CAMK2B: variants seen among roughly 807,000 people sequenced by gnomAD.
CAMK2B encodes the protein calcium/calmodulin-dependent protein kinase type II subunit beta.
Under a neutral mutation model 93.7 loss-of-function variants are expected in CAMK2B, and 27 were observed. The ratio of observed to expected loss-of-function variants is 0.29; its 90% CI spans 0.21 to 0.40. CAMK2B has a LOEUF of 0.40. Among genes scored for constraint, CAMK2B ranks in the 10% least tolerant of loss-of-function variants. CAMK2B has a pLI of 1.00. For missense variants in CAMK2B, 568 were observed against 895.8 expected (o/e 0.63, Z 4.67); for synonymous variants, 374 against 358.8 (o/e 1.04, Z -0.48).
intron 2 of CAMK2B, among the ~76,000 whole-genome samples, chr7:44,276,569 T>C (rs10267121): frequency 0.88 from 133,251 of 152,192 alleles, 58,791 homozygotes; most frequent in Non-Finnish European, 0.94. Flanking sequence ...CTGTCCATCA[T>C]GCCTTTGGGC....
intron 17 of CAMK2B, 78 bp from the exon 18 acceptor site, chr7:44,229,579 A>G (rs1583886270): frequency 1.3e-5 from 4 of 305,136 alleles, no homozygotes; most frequent in Admixed American, 6.0e-5. Context: ...GGACAGGGGG[A>G]GGCCAGGAGG....
intron 1 of CAMK2B, among the ~76,000 whole-genome samples, chr7:44,313,957 C>T (rs1284440148): frequency 2.0e-5 from 3 of 151,938 alleles, no homozygotes; most frequent in African/African-American, 7.2e-5. Context: ...TGGCCAAAGC[C>T]GCATTTCTGC....
At chr7:44,307,056 G>A (rs1248308530) in intron 1 of CAMK2B, among the ~76,000 whole-genome samples, 5 of 115,850 alleles carry the variant, frequency 4.3e-5, no homozygotes, top group Admixed American at 1.7e-4. Context: ...GTGAGCAGGG[G>A]GAGGAGGGTC....
intron 10 of CAMK2B, 47 bp from the exon 11 acceptor site, chr7:44,241,830 G>A (rs1466280392): frequency 6.6e-7 from 1 of 1,506,018 alleles, no homozygotes; most frequent in African/African-American, 1.4e-5. Flanking sequence ...CGAGGCACAG[G>A]GGAGAGGCCA....
intron 1 of CAMK2B, among the ~76,000 whole-genome samples, chr7:44,285,844 G>T (rs1470977211): frequency 1.5e-4 from 14 of 95,678 alleles, no homozygotes; most frequent in Non-Finnish European, 1.3e-4. Context: ...GGCGCGGTGT[G>T]GGGGGGACAC....
upstream of CAMK2B, chr7:44,325,829 G>A: frequency 6.7e-6 from 1 of 149,288 alleles, no homozygotes; most frequent in Non-Finnish European, 1.5e-5. Flanking sequence ...ACCTGCACCT[G>A]CACCTGCACT....
intron 4 of CAMK2B, among the ~76,000 whole-genome samples, chr7:44,256,452 T>C (rs1304921963): frequency 1.3e-5 from 2 of 152,260 alleles, no homozygotes. Context: ...TGTGTACAAC[T>C]GTGTGCCTGT....
At chr7:44,255,759 C>A (rs547912741) in intron 4 of CAMK2B, among the ~76,000 whole-genome samples, 2 of 152,318 alleles carry the variant, frequency 1.3e-5, no homozygotes, top group Admixed American at 1.3e-4. Context: ...ATCTGTTGAA[C>A]ATGTGACCTT....
chr7:44,321,815 G>A (rs1308770905), intron 1 of CAMK2B, among the ~76,000 whole-genome samples: 2 of 152,154 alleles, frequency 1.3e-5, no homozygotes, highest in Non-Finnish European at 2.9e-5. Flanking sequence ...ACAAACGGTC[G>A]ACACTGACAA....
intron 1 of CAMK2B, among the ~76,000 whole-genome samples, chr7:44,302,303 G>C (rs1421826513): frequency 6.6e-6 from 1 of 152,094 alleles, no homozygotes; most frequent in Non-Finnish European, 1.5e-5. Flanking sequence ...TTGGTTCATT[G>C]GTGAATTCTA....
At chr7:44,252,181 G>A (rs1584230714) in intron 5 of CAMK2B, among the ~76,000 whole-genome samples, 1 of 152,046 alleles carries the variant, frequency 6.6e-6, no homozygotes, top group African/African-American at 2.4e-5. Flanking sequence ...GTGTGATGAG[G>A]AAGCCACATG....
intron 5 of CAMK2B, among the ~76,000 whole-genome samples, chr7:44,251,184 C>T (rs747116990): frequency 6.6e-5 from 10 of 152,166 alleles, no homozygotes; most frequent in African/African-American, 9.7e-5. Flanking sequence ...CAGGAGGCCT[C>T]GGCCCATCCT....
chr7:44,247,551 A>G (rs879427462), intron 5 of CAMK2B, among the ~76,000 whole-genome samples: 2 of 151,774 alleles, frequency 1.3e-5, no homozygotes, highest in Admixed American at 1.3e-4. Flanking sequence ...GTACCCTGTA[A>G]GGCAGGCTGA....
At chr7:44,246,391 C>T (rs2096729891) in intron 6 of CAMK2B, among the ~76,000 whole-genome samples, 2 of 152,114 alleles carry the variant, frequency 1.3e-5, no homozygotes, top group Admixed American at 6.5e-5. Flanking sequence ...TGCAGACACC[C>T]CTCCAACACA....
intron 5 of CAMK2B, among the ~76,000 whole-genome samples, 191 bp downstream of exon 5, chr7:44,254,351 G>A (rs1235378283): frequency 1.3e-5 from 2 of 152,208 alleles, no homozygotes. Flanking sequence ...GGCGTGGAGG[G>A]GAGGTGGCCT....
At chr7:44,258,104 G>A (rs1244313076) in intron 4 of CAMK2B, among the ~76,000 whole-genome samples, 1 of 152,258 alleles carries the variant, frequency 6.6e-6, no homozygotes, top group Non-Finnish European at 1.5e-5. Flanking sequence ...ACTGTCAAAA[G>A]TGAGGGAGAT....
chr7:44,293,985 G>T (rs1311118187), intron 1 of CAMK2B, among the ~76,000 whole-genome samples: 2 of 152,204 alleles, frequency 1.3e-5, no homozygotes, highest in African/African-American at 4.8e-5. Flanking sequence ...GGTCATGCCG[G>T]AGAGCTCAAG....
chr7:44,265,626 T>C (rs1238352351), intron 2 of CAMK2B, among the ~76,000 whole-genome samples: 1 of 152,240 alleles, frequency 6.6e-6, no homozygotes, highest in African/African-American at 2.4e-5. Flanking sequence ...TATGCCTGTG[T>C]TTCATTACTG....
intron 2 of CAMK2B, among the ~76,000 whole-genome samples, chr7:44,272,934 T>C (rs2096988331): frequency 6.6e-6 from 1 of 152,256 alleles, no homozygotes; most frequent in Admixed American, 6.5e-5. Context: ...ACTGCCATGC[T>C]GTGGCATTTT....
Sources: gnomAD v4.1 joint callset for allele counts (sites outside exome capture counted in the v4.1 genomes callset) on GRCh38, gnomAD v4.1.1 for gene constraint, MANE v1.5 for transcripts, NCBI Gene and HGNC (gene_info 2026-07-23, HGNC 2026-07-21) for gene names.